ARAP2: variants seen among roughly 807,000 people sequenced by gnomAD.
ARAP2 encodes the protein arf-GAP with Rho-GAP domain, ANK repeat and PH domain-containing protein 2.
ARAP2 carries 148 observed loss-of-function variants against 194.5 expected under a neutral mutation model. That is an observed-to-expected ratio of 0.76 (90% CI 0.67 to 0.87). The LOEUF is 0.87. ARAP2 is among the 40% of genes least tolerant of loss of function. ARAP2 has a pLI of 0.00. For synonymous variants in ARAP2, 695 were observed against 683.5 expected (o/e 1.02, Z -0.26); for missense variants, 2,128 against 1,989.7 (o/e 1.07, Z -1.32).
chr4:36,140,860 T>C (rs772438471), intron 19 of ARAP2, among the ~76,000 whole-genome samples: 17 of 151,668 alleles, frequency 1.1e-4, no homozygotes, highest in Non-Finnish European at 2.4e-4. Flanking sequence ...AAGTGTATTA[T>C]GCTTTATTAT....
chr4:36,083,342 T>C (rs368622946), intron 29 of ARAP2, 26 bp downstream of exon 29: 5 of 1,538,734 alleles, frequency 3.2e-6, no homozygotes, highest in Non-Finnish European at 4.5e-6. Context: ...AGTTTTTCCT[T>C]TCAGCACTTC....
chr4:36,243,620 G>A (rs559962617), intron 1 of ARAP2: 1 of 152,228 alleles, frequency 6.6e-6, no homozygotes, highest in East Asian at 1.9e-4. Context: ...TTATTAAATA[G>A]GATGGACACC....
chr4:36,209,269 G>A (rs556082882), intron 6 of ARAP2: 15 of 348,654 alleles, frequency 4.3e-5, no homozygotes, highest in African/African-American at 2.2e-4. Context: ...CCACATGTTC[G>A]ACATCTGAAT....
intron 25 of ARAP2, 107 bp from the exon 26 acceptor site, chr4:36,114,394 T>C: frequency 2.8e-6 from 2 of 720,030 alleles, no homozygotes; most frequent in South Asian, 3.8e-5. Flanking sequence ...CTTGAATTTA[T>C]TTTGAGCATG....
intron 5 of ARAP2, among the ~76,000 whole-genome samples, chr4:36,019,522 A>C (rs1303220624): frequency 6.7e-6 from 1 of 149,110 alleles, no homozygotes; most frequent in African/African-American, 2.6e-5. Context: ...TATCGGATAC[A>C]ATTCTCCTCA....
At chr4:36,123,599 T>C (rs1185652058) in intron 22 of ARAP2, among the ~76,000 whole-genome samples, 3 of 151,738 alleles carry the variant, frequency 2.0e-5, no homozygotes, top group Non-Finnish European at 2.9e-5. Context: ...GCCCAGTCCC[T>C]TCTCTCCCAG....
intron 5 of ARAP2, among the ~76,000 whole-genome samples, chr4:36,025,553 A>G (rs2109349616): frequency 6.6e-6 from 1 of 152,290 alleles, no homozygotes; most frequent in East Asian, 1.9e-4. Flanking sequence ...TTCTTTCAGA[A>G]GAGCTGAACA....
intron 15 of ARAP2, among the ~76,000 whole-genome samples, chr4:36,158,325 G>T (rs1243639490): frequency 6.6e-6 from 1 of 151,832 alleles, no homozygotes; most frequent in African/African-American, 2.4e-5. Context: ...TGAACTATTT[G>T]ATATTACTTA....
At chr4:36,183,302 A>G (rs1167949218) in intron 8 of ARAP2, among the ~76,000 whole-genome samples, 1 of 151,462 alleles carries the variant, frequency 6.6e-6, no homozygotes, top group Non-Finnish European at 1.5e-5. Flanking sequence ...TTAATTAAAA[A>G]AAAAGACTTT....
chr4:36,006,223 T>G (rs1300242583), intron 10 of ARAP2: 1 of 152,156 alleles, frequency 6.6e-6, no homozygotes, highest in African/African-American at 2.4e-5. Flanking sequence ...TATACAGGGG[T>G]AGGGCTACCT....
chr4:36,175,940 T>G (rs1342236060), intron 9 of ARAP2, among the ~76,000 whole-genome samples: 1 of 152,172 alleles, frequency 6.6e-6, no homozygotes, highest in African/African-American at 2.4e-5. Flanking sequence ...ACAAGACTTG[T>G]GTCCTTCTCA....
intron 6 of ARAP2, 111 bp from the exon 7 acceptor site, chr4:36,193,758 A>G: frequency 1.3e-6 from 1 of 762,276 alleles, no homozygotes. Flanking sequence ...GTTAAACACC[A>G]TAGACAACAA....
At chr4:36,024,401 G>A (rs1393587959) in intron 5 of ARAP2, among the ~76,000 whole-genome samples, 1 of 152,086 alleles carries the variant, frequency 6.6e-6, no homozygotes, top group East Asian at 1.9e-4. Flanking sequence ...TGTAAGAAAA[G>A]AAAATATTGG....
At chr4:36,039,408 G>A (rs761873857) in intron 5 of ARAP2, among the ~76,000 whole-genome samples, 10 of 152,196 alleles carry the variant, frequency 6.6e-5, no homozygotes, top group Non-Finnish European at 1.0e-4. Flanking sequence ...TACTGGGTTG[G>A]TGCCTGTGTA....
At chr4:36,058,587 GTTTTTAT>G (rs912337556) in intron 1 of ARAP2, among the ~76,000 whole-genome samples, 2 of 152,018 alleles carry the variant, frequency 1.3e-5, no homozygotes, top group African/African-American at 4.8e-5. Context: ...GTTTGTTTTT[GTTTTTAT>G]TTTTTATTTT....
intron 5 of ARAP2, among the ~76,000 whole-genome samples, chr4:36,023,260 C>T (rs1414192153): frequency 6.6e-6 from 1 of 152,054 alleles, no homozygotes; most frequent in African/African-American, 2.4e-5. Context: ...ACTTGGGTCC[C>T]CTTTGAGTGT....
intron 2 of ARAP2, among the ~76,000 whole-genome samples, chr4:36,218,499 G>T (rs115990272): frequency 0.01 from 1,588 of 151,706 alleles, 10 homozygotes; most frequent in Non-Finnish European, 0.017. Flanking sequence ...ATAGCAATGA[G>T]GAAAGTATGG....
intron 1 of ARAP2, among the ~76,000 whole-genome samples, chr4:36,060,861 C>A (rs1467914143): frequency 6.6e-6 from 1 of 152,088 alleles, no homozygotes; most frequent in African/African-American, 2.4e-5. Flanking sequence ...AGGGCCTGTC[C>A]TAATAACTTC....
chr4:36,128,320 G>T (rs1724459732), intron 21 of ARAP2, among the ~76,000 whole-genome samples: 1 of 151,858 alleles, frequency 6.6e-6, no homozygotes, highest in Admixed American at 6.6e-5. Context: ...TGAATATTTT[G>T]AATTTCTCTT....
Sources: allele counts gnomAD v4.1 joint callset (sites outside exome capture counted in the v4.1 genomes callset), GRCh38; gene constraint gnomAD v4.1.1; transcripts MANE v1.5; gene names NCBI Gene and HGNC (gene_info 2026-07-23, HGNC 2026-07-21).